Variants in FER1L5 observed in about 807,000 individuals in gnomAD.
The protein encoded by FER1L5 is fer-1-like protein 5.
FER1L5 carries 187 observed loss-of-function variants against 279.9 expected under a neutral mutation model. The observed-to-expected ratio is 0.67, with a 90% CI of 0.59 to 0.75. The LOEUF (loss-of-function observed/expected upper bound fraction) is 0.75, where lower values mean the gene tolerates loss of function less well. Ranked by LOEUF, FER1L5 falls within the 30% of genes least tolerant of loss-of-function variation. FER1L5 has a pLI of 0.00. For missense variants in FER1L5, 2,091 were observed against 2,594.4 expected (o/e 0.81, Z 4.21); for synonymous variants, 921 against 989.7 (o/e 0.93, Z 1.30).
intron 1 of FER1L5, among the ~76,000 whole-genome samples, chr2:96,644,657 G>A (rs1187341326): frequency 6.6e-6 from 1 of 152,316 alleles, no homozygotes; most frequent in African/African-American, 2.4e-5. Context: ...AGTTCCTACA[G>A]GACATATGAG....
rs1342563944 is a variant in FER1L5, at chr2:96,698,001, A to G, written c.4237-36A>G. On this transcript the variant is annotated intron_variant, in intron 39 of 52. Transcript: ENST00000624922. The surrounding 1 kb of genome is among the most constrained non-coding windows in gnomAD (Gnocchi z 5.5). ...CCCTCCATCTCCTAATCACGGGAAC[A>G]GTCTCCACCAGCCAGGGTTCCACAC... 1.3e-6 allele frequency: 2 copies of G among 1,540,956 alleles called. No individual in the cohort carries two copies.
intron 42 of FER1L5, 60 bp from the exon 43 acceptor site, chr2:96,699,490 G>C: frequency 6.5e-7 from 1 of 1,549,730 alleles, no homozygotes; most frequent in Non-Finnish European, 8.8e-7. Flanking sequence ...ACACCGGTGA[G>C]GGAGGGGGGC....
chr2:96,693,384 C>T, intron 31 of FER1L5, 122 bp from the exon 32 acceptor site: 1 of 999,282 alleles, frequency 1.0e-6, no homozygotes, highest in Admixed American at 2.9e-5. Flanking sequence ...TCTGGGAGGC[C>T]TCAGTGGCTG....
chr2:96,699,586 G>A lies in FER1L5; in HGVS notation c.4647G>A (p.Lys1549=). The A allele has an allele frequency of 6.2e-7, 1 of 1,613,972 alleles. No homozygotes were observed. The highest frequency in any genetic ancestry group is 8.5e-7 in the Non-Finnish European group (1 of 1,179,896). The change falls in exon 43 of 53, where the codon AAG becomes AAA. Residue 1549 remains lysine, a synonymous_variant. Transcript: ENST00000624922. Reference sequence around the variant, plus strand: ...TCACCTGCAACATACCCCTGGAGAAGGACCTAGAGATCCAGCTCTATGACT... The same window carrying A: ...TCACCTGCAACATACCCCTGGAGAAAGACCTAGAGATCCAGCTCTATGACT... ...FELTCNIPLE[K]DLEIQLYDFD... is the part of the protein sequence containing the mutation.
In FER1L5 at chr2:96,689,161, C is replaced by A; in HGVS notation, c.2362-52C>A. ...GGGGGCCCAGGGGAGGCCCATGTCC[C>A]CGCACTTTGTGCTAGAGGAGGCGGC... On this transcript the variant is annotated intron_variant, in intron 24 of 52. Coordinates refer to ENST00000624922, the MANE Select transcript of FER1L5 (RefSeq NM_001293083.2). This position sits in a 1 kb window ranked among gnomAD's most constrained non-coding sequence, Gnocchi z 4.6. 3 of 1,529,650 alleles carry A rather than the reference C, an allele frequency of 2.0e-6. No homozygotes were observed. Among genetic ancestry groups the A allele is most frequent in the Non-Finnish European group, 2.6e-6 (3 of 1,139,136 alleles). 94.8% of individuals were successfully genotyped at this position (1,529,650 alleles called of 1,614,324 possible).
intron 19 of FER1L5, among the ~76,000 whole-genome samples, chr2:96,683,254 G>A (rs930185682): frequency 3.3e-5 from 5 of 152,194 alleles, no homozygotes; most frequent in Non-Finnish European, 5.9e-5. Flanking sequence ...CAAAGTCAGG[G>A]TGTCAGTGTT....
intron 6 of FER1L5, among the ~76,000 whole-genome samples, chr2:96,651,241 T>TCTC (rs1558839962): frequency 4.1e-5 from 1 of 24,232 alleles, no homozygotes; most frequent in East Asian, 6.4e-4. Flanking sequence ...TTCTTTCTCT[T>TCTC]TCTTTCTTTC....
chr2:96,689,423 G>C lies in FER1L5; in HGVS notation c.2525+47G>C. The C allele has an allele frequency of 6.5e-7, 1 of 1,538,500 alleles. No individual in the cohort carries two copies. The highest frequency in any genetic ancestry group is 8.7e-7 in the Non-Finnish European group (1 of 1,143,810). On this transcript the variant is annotated intron_variant, in intron 25 of 52. Transcript: ENST00000624922. This position sits in a 1 kb window ranked among gnomAD's most constrained non-coding sequence, Gnocchi z 4.6. ...CCCACCAGAGGGGACACTTCACCTG[G>C]GAGGGCCAGTCCGCGGCAGCCCAGA...
Position 96,693,050 on chromosome 2 carries a change from G to C in FER1L5, c.3293-456G>C, listed in dbSNP as rs7420392. On this transcript the variant is annotated intron_variant, in intron 31 of 52. Transcript: ENST00000624922. ...AATTAGCCGGGCGTGGTGGCGGGCG[G>C]CTGTAATCCCAGCTATTCGGGAGGC... is the stretch of plus-strand genomic sequence containing the variant. 2.8e-4 allele frequency among the ~76,000 whole-genome samples: 43 copies of C among 151,982 alleles called. No individual in the cohort carries two copies. The Middle Eastern group carries it at 0.014, about 48-fold the overall frequency.
chr2:96,690,736 C>T (rs940002080), intron 27 of FER1L5, 147 bp downstream of exon 27: 14 of 676,914 alleles, frequency 2.1e-5, no homozygotes, highest in African/African-American at 1.1e-4. Flanking sequence ...GGGTCTCCAG[C>T]GTTTCCTTAC....
At position 96,647,143 on chromosome 2, in the gene FER1L5, A is replaced by G. The variant is rs914051395; in HGVS notation, c.218A>G (p.Gln73Arg). ...LQVTLQDMGS[Q>R]KKERFIGLAT... is the part of the protein sequence containing the mutation. ...GTCACCCTTCAGGACATGGGCTCACAAAAGAAAGAAAGGTGAGGCAGAGAG... is the reference window on the plus strand; with the variant it reads ...GTCACCCTTCAGGACATGGGCTCACGAAAGAAAGAAAGGTGAGGCAGAGAG... The change falls in exon 3 of 53, where the codon CAA (glutamine) becomes CGA (arginine). Residue 73 changes from glutamine to arginine, a missense_variant. Physicochemically the swap from Gln to Arg is conservative, Grantham distance 43. Coordinates refer to ENST00000624922, the MANE Select transcript of FER1L5 (RefSeq NM_001293083.2). The G allele has an allele frequency of 1.3e-6, 2 of 1,551,558 alleles. No individual in the cohort carries two copies. The highest frequency in any genetic ancestry group is 1.4e-5 in the African/African-American group (1 of 73,046).
At chr2:96,648,912 T>C (rs1461336517) in intron 4 of FER1L5, among the ~76,000 whole-genome samples, 1 of 152,136 alleles carries the variant, frequency 6.6e-6, no homozygotes, top group Non-Finnish European at 1.5e-5. Flanking sequence ...GTCTGTCAGT[T>C]GAGTTGTAAG....
rs576336749 is a variant in FER1L5 at position 96,657,216 on chromosome 2, AG to A, written c.747+2722del. Among the ~76,000 whole-genome samples the A allele has an allele frequency of 9.2e-5, 14 of 151,896 alleles. No homozygotes were observed. In the East Asian group the frequency reaches 2.5e-3, roughly 27 times the overall value. ...AGCCCCCCAGGATAGCTGGAACCAC[AG>A]GCACGTGCCACCATGCCCAGCGAAT... On this transcript the variant is annotated intron_variant, in intron 9 of 52. Transcript: ENST00000624922.
rs934104847 is a variant in FER1L5 at position 96,704,608 on chromosome 2, A to G, written c.6090A>G (p.Thr2030=). ...LPTQDPNLKP[T]IDHEWKLHPG... is the part of the protein sequence containing the mutation. ...CCCAGGATCCAAACCTAAAGCCTAC[A>G]ATAGACCATGAGTGGAAACTCCACC... Residue 2030 remains threonine (T), a synonymous_variant, in exon 53 of 53, where the codon ACA becomes ACG. Coordinates refer to ENST00000624922, the MANE Select transcript of FER1L5 (RefSeq NM_001293083.2). The G allele has an allele frequency of 1.2e-6, 2 of 1,613,850 alleles. No individual in the cohort carries two copies. Among genetic ancestry groups the G allele is most frequent in the Admixed American group, 1.7e-5 (1 of 60,004 alleles).
At chr2:96,687,080 T>C (rs2076958895) in intron 23 of FER1L5, among the ~76,000 whole-genome samples, 1 of 152,060 alleles carries the variant, frequency 6.6e-6, no homozygotes, top group Non-Finnish European at 1.5e-5. Context: ...GCTGTGACAG[T>C]GGCCTCCCTG....
rs878856934 is a variant in FER1L5 at position 96,702,563 on chromosome 2, T to C, written c.5256-37T>C. 1 of 1,554,734 alleles carries C rather than the reference T, an allele frequency of 6.4e-7. No homozygotes were observed. The highest frequency in any genetic ancestry group is 1.2e-5 in the South Asian group (1 of 84,292). On this transcript the variant is annotated intron_variant, in intron 47 of 52. Coordinates refer to ENST00000624922, the MANE Select transcript of FER1L5 (RefSeq NM_001293083.2). The surrounding 1 kb of genome is among the most constrained non-coding windows in gnomAD (Gnocchi z 4.0). ...GGCTCCAGCTGGGGGATGGGGCCAA[T>C]GCACATGAGCCACAGGTGATAGGAC... is the stretch of plus-strand genomic sequence containing the variant.
chr2:96,644,621 G>A (rs1036455394), intron 1 of FER1L5, among the ~76,000 whole-genome samples: 1 of 152,246 alleles, frequency 6.6e-6, no homozygotes, highest in Non-Finnish European at 1.5e-5. Flanking sequence ...GGAGAAAACC[G>A]GGCCCAAGAG....
chr2:96,685,901 T>C, intron 21 of FER1L5, 39 bp from the exon 22 acceptor site: 1 of 1,480,740 alleles, frequency 6.8e-7, no homozygotes, highest in Non-Finnish European at 9.0e-7. Context: ...TGGGAGGCAG[T>C]AGAGAGGTCC....
At chr2:96,668,103 C>G (rs375746208) in intron 14 of FER1L5, among the ~76,000 whole-genome samples, 59 of 152,256 alleles carry the variant, frequency 3.9e-4, no homozygotes, top group Non-Finnish European at 4.6e-4. Context: ...CTTCAGCCCC[C>G]CAAAGTGCTG....
Sources: allele counts gnomAD v4.1 joint callset (sites outside exome capture counted in the v4.1 genomes callset), GRCh38; gene constraint gnomAD v4.1.1; non-coding constraint Gnocchi (gnomAD v3.1); transcripts MANE v1.5; gene names NCBI Gene and HGNC (gene_info 2026-07-23, HGNC 2026-07-21).